CAAP1: variants seen among roughly 807,000 people sequenced by gnomAD.
The protein encoded by CAAP1 is conserved anti-apoptotic protein.
In CAAP1, 20 loss-of-function variants were observed where a neutral mutation model predicts 34.0. The observed-to-expected ratio is 0.59, with a 90% confidence interval of 0.41 to 0.86. The LOEUF is 0.86. CAAP1 is among the 40% of genes least tolerant of loss of function. CAAP1 has a pLI of 0.00. For missense variants in CAAP1, 538 were observed against 450.5 expected, an observed-to-expected ratio of 1.19 and a Z score of -1.76; for synonymous variants, 213 against 166.7, an observed-to-expected ratio of 1.28 and a Z score of -2.14.
At chr9:26,864,018 C>T (rs940330723) in intron 4 of CAAP1, among the ~76,000 whole-genome samples, 2 of 152,048 alleles carry the variant, frequency 1.3e-5, no homozygotes, top group African/African-American at 2.4e-5. Flanking sequence ...AACTCCTTGG[C>T]CTCCCAAAGT....
At position 26,861,088 on chromosome 9, in the gene CAAP1, A is replaced by G. The variant is rs751864465; in HGVS notation, c.717T>C (p.Pro239=). 1.2e-6 allele frequency: 2 copies of G among 1,611,444 alleles called. No individual in the cohort carries two copies. Among genetic ancestry groups the G allele is most frequent in the Non-Finnish European group, 1.7e-6 (2 of 1,177,852 alleles). Residue 239 remains proline, a synonymous_variant, in exon 5 of 6, where the codon CCT becomes CCC. Transcript: ENST00000333916. ...SASSVRENKQ[P]EGLELKQGKG... ...TACCTTGTTTTAATTCCAAACCTTCAGGTTGCTTATTCTCTCTCACGGATG... is the reference window on the plus strand; with the variant it reads ...TACCTTGTTTTAATTCCAAACCTTCGGGTTGCTTATTCTCTCTCACGGATG...
At chr9:26,855,579 A>T (rs1822851576) in intron 5 of CAAP1, among the ~76,000 whole-genome samples, 1 of 152,130 alleles carries the variant, frequency 6.6e-6, no homozygotes, top group Admixed American at 6.5e-5. Context: ...TTTTCTGTAA[A>T]CCTAAAGCTG....
chr9:26,841,187 C>T lies in CAAP1; in HGVS notation c.*1114G>A, dbSNP rs1250229555. The stretch of plus-strand genomic sequence containing the variant: ...AAAGTCCTCATACAGTATCAGTAGA[C>T]CATGGCTTATAAATAAAATATACTG... On this transcript the variant is annotated 3_prime_UTR_variant, in exon 6 of 6. Coordinates refer to ENST00000333916, the MANE Select transcript of CAAP1 (RefSeq NM_024828.4). 6.6e-6 allele frequency: 1 copy of T among 152,052 alleles called. No homozygotes were observed. The allele number at this position is 152,052 out of a possible 1,614,324, so 9.4% of individuals were successfully genotyped here.
At chr9:26,847,200 T>A (rs868783923) in intron 5 of CAAP1, among the ~76,000 whole-genome samples, 10 of 30,336 alleles carry the variant, frequency 3.3e-4, no homozygotes, top group African/African-American at 1.6e-3. Flanking sequence ...AAAGCAATAT[T>A]TTTTTTTTTT....
chr9:26,854,439 C>G (rs998338635), intron 5 of CAAP1, among the ~76,000 whole-genome samples: 7 of 152,126 alleles, frequency 4.6e-5, no homozygotes, highest in African/African-American at 1.7e-4. Flanking sequence ...TTAACAGATT[C>G]AAAATAACCA....
intron 5 of CAAP1, among the ~76,000 whole-genome samples, chr9:26,856,091 G>T (rs2131304357): frequency 6.6e-6 from 1 of 151,778 alleles, no homozygotes; most frequent in South Asian, 2.1e-4. Flanking sequence ...TGGGATTGTG[G>T]GTGTGGGCAT....
chr9:26,853,399 A>G (rs1342390657), intron 5 of CAAP1, among the ~76,000 whole-genome samples: 1 of 152,236 alleles, frequency 6.6e-6, no homozygotes, highest in Non-Finnish European at 1.5e-5. Context: ...TAAAATGCTT[A>G]TTGGACATTT....
Position 26,892,568 on chromosome 9 carries a change from C to T in CAAP1, c.148G>A (p.Gly50Arg), listed in dbSNP as rs1430418337. Residue 50 changes from glycine to arginine, a missense_variant, in exon 1 of 6, where the codon GGG becomes AGG. Transcript: ENST00000333916. ...GCGTTCCCACAGCAGCTGACGCTCC[C>T]GCAGCCCCCGGCGCTCCCGCAGCCG... is the stretch of plus-strand genomic sequence containing the variant. ...TSGCGSAGGC[G>R]SVSCCGNANF... The T allele has an allele frequency of 2.5e-6, 4 of 1,590,488 alleles. No homozygotes were observed. The highest frequency in any genetic ancestry group is 1.8e-5 in the Admixed American group (1 of 56,238).
chr9:26,891,992 T>C (rs571708004), intron 1 of CAAP1, among the ~76,000 whole-genome samples: 1 of 152,162 alleles, frequency 6.6e-6, no homozygotes, highest in African/African-American at 2.4e-5. Flanking sequence ...TCTGTGACCG[T>C]GGGTAAAGTT....
Position 26,841,525 on chromosome 9 carries a change from A to G in CAAP1, c.*776T>C, listed in dbSNP as rs1195858051. The G allele has an allele frequency of 6.6e-6, 1 of 152,580 alleles. No homozygotes were observed. Among genetic ancestry groups the G allele is most frequent in the African/African-American group, 2.4e-5 (1 of 41,454 alleles). 9.5% of individuals were successfully genotyped at this position (152,580 alleles called of 1,614,324 possible). On this transcript the variant is annotated 3_prime_UTR_variant, in exon 6 of 6. Transcript: ENST00000333916. ...TTTCTGATTCATGGAATTATAGCAC[A>G]TCAGATCTTTAAGCAACTACATCAG...
intron 4 of CAAP1, among the ~76,000 whole-genome samples, chr9:26,863,366 G>A (rs1190318535): frequency 1.3e-5 from 2 of 152,076 alleles, no homozygotes. Context: ...GTCTTCAATA[G>A]TTTGAAAATT....
chr9:26,859,380 A>G (rs1822952399), intron 5 of CAAP1, among the ~76,000 whole-genome samples: 1 of 152,198 alleles, frequency 6.6e-6, no homozygotes, highest in Non-Finnish European at 1.5e-5. Flanking sequence ...GAACAGAAAA[A>G]CATCTTCTCT....
intron 4 of CAAP1, among the ~76,000 whole-genome samples, chr9:26,862,411 T>C (rs977660885): frequency 6.7e-6 from 1 of 148,934 alleles, no homozygotes; most frequent in African/African-American, 2.6e-5. Flanking sequence ...CACATCTAAA[T>C]TTACAAAAAA....
chr9:26,876,896 G>C (rs990666948), intron 4 of CAAP1, among the ~76,000 whole-genome samples: 1 of 152,112 alleles, frequency 6.6e-6, no homozygotes, highest in Admixed American at 6.5e-5. Flanking sequence ...GCTCATGTCT[G>C]TAATCCTAGC....
At chr9:26,867,973 G>A (rs1180224449) in intron 4 of CAAP1, among the ~76,000 whole-genome samples, 6 of 152,286 alleles carry the variant, frequency 3.9e-5, no homozygotes, top group Middle Eastern at 6.8e-3. Context: ...AGTATGGGAG[G>A]AGGATGGGGT....
At chr9:26,879,575 A>ACTCC (rs1823533417) in intron 4 of CAAP1, among the ~76,000 whole-genome samples, 1 of 152,106 alleles carries the variant, frequency 6.6e-6, no homozygotes, top group Non-Finnish European at 1.5e-5. Context: ...GCCAAAGGAG[A>ACTCC]TTAACATTTG....
intron 5 of CAAP1, among the ~76,000 whole-genome samples, chr9:26,845,821 C>T (rs1307226291): frequency 1.3e-5 from 2 of 152,160 alleles, no homozygotes; most frequent in African/African-American, 4.8e-5. Flanking sequence ...AGATTATCTT[C>T]TGATCCCTGA....
At chr9:26,861,957 G>C (rs1026282723) in intron 4 of CAAP1, among the ~76,000 whole-genome samples, 6 of 152,144 alleles carry the variant, frequency 3.9e-5, no homozygotes, top group South Asian at 2.1e-4. Context: ...ATTTCTTTGA[G>C]AAGTTTACAA....
rs911718375 is a variant in CAAP1, at chr9:26,861,373, C to T, written c.666-234G>A. On this transcript the variant is annotated intron_variant, in intron 4 of 5. Transcript: ENST00000333916. ...TATACTTCTTTGTAAAATCAAGGGGCAAACCTGAAAGGAACATGGAAGTAA... is the reference window on the plus strand; with the variant it reads ...TATACTTCTTTGTAAAATCAAGGGGTAAACCTGAAAGGAACATGGAAGTAA... Among the ~76,000 whole-genome samples the T allele has an allele frequency of 2.0e-5, 3 of 152,088 alleles. No homozygotes were observed. The East Asian group carries it at 5.8e-4, about 29-fold the overall frequency.
Sources: allele counts gnomAD v4.1 joint callset (sites outside exome capture counted in the v4.1 genomes callset), GRCh38; gene constraint gnomAD v4.1.1; transcripts MANE v1.5; gene names NCBI Gene and HGNC (gene_info 2026-07-23, HGNC 2026-07-21).